The following KIAA1328 variants were observed in gnomAD, a reference collection of about 807,000 sequenced individuals.
KIAA1328 encodes KIAA1328, also known as protein hinderin.
Under a neutral mutation model 68.1 loss-of-function variants are expected in KIAA1328, and 52 were observed. That is an observed-to-expected ratio of 0.76 (90% CI 0.61 to 0.96). The LOEUF is 0.96. Among genes scored for constraint, KIAA1328 ranks in the 40% least tolerant of loss-of-function variants. KIAA1328 has a pLI of 0.00. For synonymous variants in KIAA1328, 232 were observed against 239.4 expected (o/e 0.97, Z 0.28); for missense variants, 641 against 677.6 (o/e 0.95, Z 0.60).
intron 8 of KIAA1328, among the ~76,000 whole-genome samples, chr18:37,170,829 T>C (rs2059486396): frequency 6.6e-6 from 1 of 152,140 alleles, no homozygotes; most frequent in African/African-American, 2.4e-5. Context: ...TATAAAAATA[T>C]TATTTCAAAG....
intron 6 of KIAA1328, among the ~76,000 whole-genome samples, chr18:37,028,998 C>A (rs1311594111): frequency 6.6e-6 from 1 of 151,996 alleles, no homozygotes; most frequent in African/African-American, 2.4e-5. Flanking sequence ...TGTGTCTCTG[C>A]CAGATTTTGG....
chr18:37,106,170 T>C (rs1262235614), intron 7 of KIAA1328, among the ~76,000 whole-genome samples: 1 of 151,874 alleles, frequency 6.6e-6, no homozygotes, highest in Non-Finnish European at 1.5e-5. Context: ...ATCCATGCAA[T>C]GGAATATTTG....
intron 6 of KIAA1328, among the ~76,000 whole-genome samples, chr18:37,018,231 T>A (rs322645): frequency 0.73 from 111,304 of 151,980 alleles, 43,908 homozygotes; most frequent in South Asian, 0.89. Context: ...TGAAGTTTGG[T>A]GGGATGTCAT....
chr18:37,087,620 G>A (rs1198773328), intron 7 of KIAA1328, among the ~76,000 whole-genome samples: 1 of 152,152 alleles, frequency 6.6e-6, no homozygotes, highest in Non-Finnish European at 1.5e-5. Flanking sequence ...AGTATATTAT[G>A]AACAGAGCTT....
chr18:37,013,742 C>T (rs180848133), intron 6 of KIAA1328, among the ~76,000 whole-genome samples: 2 of 152,274 alleles, frequency 1.3e-5, no homozygotes, highest in African/African-American at 4.8e-5. Context: ...ATCTAATTCA[C>T]TATTGATAGG....
intron 1 of KIAA1328, 32 bp downstream of exon 1, chr18:36,829,228 G>A: frequency 1.3e-6 from 2 of 1,494,766 alleles, no homozygotes; most frequent in South Asian, 1.3e-5. Context: ...GGGGGCGCCG[G>A]CGCCCTCCAC....
chr18:36,910,035 C>T (rs899000725), intron 5 of KIAA1328, among the ~76,000 whole-genome samples: 20 of 152,114 alleles, frequency 1.3e-4, no homozygotes, highest in East Asian at 9.6e-4. Context: ...ATTAGCCCTT[C>T]GTCAGATGAG....
chr18:37,089,259 C>T (rs2057195713), intron 7 of KIAA1328, among the ~76,000 whole-genome samples: 1 of 151,674 alleles, frequency 6.6e-6, no homozygotes, highest in Non-Finnish European at 1.5e-5. Context: ...CAAATAGTAT[C>T]TCTTCCAGAA....
intron 6 of KIAA1328, among the ~76,000 whole-genome samples, chr18:37,041,463 G>T (rs1006814984): frequency 1.3e-5 from 2 of 151,634 alleles, no homozygotes; most frequent in Admixed American, 1.3e-4. Context: ...CATACATTTG[G>T]ACCTTCTTAT....
chr18:36,915,151 A>G (rs1042192998), intron 5 of KIAA1328, among the ~76,000 whole-genome samples: 1 of 152,230 alleles, frequency 6.6e-6, no homozygotes, highest in Non-Finnish European at 1.5e-5. Context: ...CTGTAACACT[A>G]CAGTAATCCA....
chr18:37,088,872 A>G (rs2057184376), intron 7 of KIAA1328, among the ~76,000 whole-genome samples: 1 of 152,174 alleles, frequency 6.6e-6, no homozygotes, highest in South Asian at 2.1e-4. Context: ...TCAAAGACAT[A>G]TTAAGAAAGT....
chr18:37,148,414 T>C (rs80338480), intron 7 of KIAA1328, among the ~76,000 whole-genome samples: 5,211 of 152,288 alleles, frequency 0.034, 113 homozygotes, highest in East Asian at 0.099. Context: ...TCTTTGCTAT[T>C]GCGAATAGTG....
At chr18:37,221,896 C>T in intron 9 of KIAA1328, 121 bp from the exon 10 acceptor site, 1 of 988,974 alleles carries the variant, frequency 1.0e-6, no homozygotes, top group East Asian at 2.6e-5. Flanking sequence ...TAAGCATCAT[C>T]TTATGCATGA....
chr18:36,941,210 G>A (rs1017189914), intron 5 of KIAA1328, among the ~76,000 whole-genome samples: 1 of 152,120 alleles, frequency 6.6e-6, no homozygotes, highest in African/African-American at 2.4e-5. Context: ...TTAAAAATAT[G>A]TATACCCACA....
At chr18:37,039,078 A>G (rs1401489785) in intron 6 of KIAA1328, among the ~76,000 whole-genome samples, 4 of 152,224 alleles carry the variant, frequency 2.6e-5, no homozygotes, top group African/African-American at 9.6e-5. Context: ...TGATCATTGT[A>G]TATAAGTCCT....
At position 36,834,311 on chromosome 18, in the gene KIAA1328, C is replaced by T; in HGVS notation, c.59-9C>T. ...ATTATTGTATTTTCCTTCATGTTCT[C>T]CTGCGTAGTTTCTGATGAAGAACAA... On this transcript the variant is annotated splice_polypyrimidine_tract_variant and intron_variant, in intron 1 of 9. Coordinates refer to ENST00000280020, the MANE Select transcript of KIAA1328 (RefSeq NM_020776.3). The T allele has an allele frequency of 1.3e-6, 2 of 1,575,016 alleles. No homozygotes were observed. Among genetic ancestry groups the T allele is most frequent in the South Asian group, 2.5e-5 (2 of 81,056 alleles).
chr18:36,879,379 G>C (rs750473871), intron 4 of KIAA1328, among the ~76,000 whole-genome samples: 11 of 152,172 alleles, frequency 7.2e-5, no homozygotes, highest in Non-Finnish European at 1.2e-4. Flanking sequence ...ATTGCTACCT[G>C]CTCCTTCCTC....
chr18:36,978,367 T>C (rs538009606), intron 6 of KIAA1328, among the ~76,000 whole-genome samples: 53 of 152,336 alleles, frequency 3.5e-4, no homozygotes, highest in Admixed American at 1.6e-3. Context: ...CCAAGTTGTT[T>C]GTATAAACTG....
chr18:37,096,125 C>T (rs1235194451), intron 7 of KIAA1328, among the ~76,000 whole-genome samples: 3 of 152,006 alleles, frequency 2.0e-5, no homozygotes, highest in Non-Finnish European at 4.4e-5. Flanking sequence ...ATGTGCACAA[C>T]GTGCAGGTTT....
Sources: gnomAD v4.1 joint callset for allele counts (sites outside exome capture counted in the v4.1 genomes callset) on GRCh38, gnomAD v4.1.1 for gene constraint, MANE v1.5 for transcripts, NCBI Gene and HGNC (gene_info 2026-07-23, HGNC 2026-07-21) for gene names.